Variants in MAF observed in about 807,000 individuals in gnomAD.
MAF encodes MAF bZIP transcription factor, also known as transcription factor Maf.
MAF carries 10 observed loss-of-function variants against 22.0 expected under a neutral mutation model. The ratio of observed to expected loss-of-function variants is 0.45; its 90% CI spans 0.28 to 0.77. The LOEUF (loss-of-function observed/expected upper bound fraction) is 0.77, where lower values mean the gene tolerates loss of function less well. Among genes scored for constraint, MAF ranks in the 30% least tolerant of loss-of-function variants. MAF has a pLI of 0.12. For missense variants in MAF, 544 were observed against 548.4 expected (o/e 0.99, Z 0.08); for synonymous variants, 337 against 255.8 (o/e 1.32, Z -3.03).
chr16:79,298,764 G>A, the MAF span, among the ~76,000 whole-genome samples: 5 of 152,356 alleles, frequency 3.3e-5, no homozygotes, highest in South Asian at 2.1e-4. Flanking sequence ...CAGAGCGGAC[G>A]TGACGGAAGC....
chr16:79,221,980 C>T, the MAF span, among the ~76,000 whole-genome samples: 2,824 of 152,070 alleles, frequency 0.019, 36 homozygotes, highest in Middle Eastern at 0.072. Flanking sequence ...AAACGTTTTT[C>T]TTAAAGCAGT....
the MAF span, among the ~76,000 whole-genome samples, chr16:79,308,164 C>A: frequency 6.6e-6 from 1 of 152,242 alleles, no homozygotes; most frequent in Admixed American, 6.5e-5. Flanking sequence ...GCTGTCTAGA[C>A]AATCAATACG....
chr16:79,357,316 G>T, the MAF span, among the ~76,000 whole-genome samples: 1 of 151,980 alleles, frequency 6.6e-6, no homozygotes, highest in African/African-American at 2.4e-5. Flanking sequence ...GGCCTGTGGT[G>T]GCGGGCGCCT....
the MAF span, among the ~76,000 whole-genome samples, chr16:79,543,577 C>T: frequency 3.9e-5 from 6 of 152,216 alleles, no homozygotes; most frequent in Non-Finnish European, 8.8e-5. Flanking sequence ...TGTCTCAATG[C>T]CCCACGTTCT....
chr16:79,308,292 T>A, the MAF span, among the ~76,000 whole-genome samples: 1 of 152,170 alleles, frequency 6.6e-6, no homozygotes, highest in East Asian at 1.9e-4. Context: ...CCTGGTTAAG[T>A]GAGGAACCAG....
chr16:79,323,422 T>C, the MAF span, among the ~76,000 whole-genome samples: 2 of 152,124 alleles, frequency 1.3e-5, no homozygotes, highest in African/African-American at 2.4e-5. Context: ...CTCTGTGTTG[T>C]TTCCTATGTA....
At chr16:79,300,329 G>C in the MAF span, among the ~76,000 whole-genome samples, 5 of 152,194 alleles carry the variant, frequency 3.3e-5, no homozygotes, top group Admixed American at 6.5e-5. Context: ...GGCCGAGCCA[G>C]GTGGATCACC....
chr16:79,561,119 T>A, the MAF span, among the ~76,000 whole-genome samples: 2 of 152,198 alleles, frequency 1.3e-5, no homozygotes, highest in Non-Finnish European at 2.9e-5. Flanking sequence ...CCACATGTGA[T>A]GAAATCTTCT....
chr16:79,223,101 T>C, the MAF span, among the ~76,000 whole-genome samples: 11 of 151,736 alleles, frequency 7.2e-5, no homozygotes, highest in East Asian at 2.0e-4. Context: ...TATTGTAAAA[T>C]TGACCACATA....
the MAF span, among the ~76,000 whole-genome samples, chr16:79,498,207 C>T: frequency 6.6e-6 from 1 of 152,146 alleles, no homozygotes; most frequent in Non-Finnish European, 1.5e-5. Context: ...TAGATTATAA[C>T]AACTTAGATC....
chr16:79,526,713 C>G, the MAF span, among the ~76,000 whole-genome samples: 1 of 152,162 alleles, frequency 6.6e-6, no homozygotes, highest in African/African-American at 2.4e-5. Flanking sequence ...TAACCCTGAT[C>G]CGTAGCATTT....
At chr16:79,436,790 G>C in the MAF span, among the ~76,000 whole-genome samples, 7 of 152,170 alleles carry the variant, frequency 4.6e-5, no homozygotes, top group Admixed American at 3.3e-4. Context: ...ACATGAGCTG[G>C]GTCTCCACCT....
the MAF span, among the ~76,000 whole-genome samples, chr16:79,308,239 C>G: frequency 6.6e-6 from 1 of 152,204 alleles, no homozygotes; most frequent in Non-Finnish European, 1.5e-5. Context: ...CTGGAATGAT[C>G]AGATCTATTG....
chr16:79,270,625 C>A, the MAF span, among the ~76,000 whole-genome samples: 1 of 152,188 alleles, frequency 6.6e-6, no homozygotes, highest in Non-Finnish European at 1.5e-5. Context: ...AATCTAGATG[C>A]AGTGACTTTC....
the MAF span, among the ~76,000 whole-genome samples, chr16:79,229,625 A>G: frequency 6.6e-6 from 1 of 152,046 alleles, no homozygotes. Flanking sequence ...GGGCGTGAGG[A>G]CAAGGCGAAC....
At chr16:79,304,341 G>A in the MAF span, among the ~76,000 whole-genome samples, 3 of 152,130 alleles carry the variant, frequency 2.0e-5, no homozygotes, top group Non-Finnish European at 4.4e-5. Flanking sequence ...CAGTTATACC[G>A]CTTGGACACT....
the MAF span, among the ~76,000 whole-genome samples, chr16:79,446,233 A>G: frequency 7.8e-4 from 119 of 152,296 alleles, no homozygotes; most frequent in African/African-American, 2.6e-3. Flanking sequence ...GGTATGGTTC[A>G]TAGAGCACTA....
In MAF at chr16:79,598,964, T is replaced by C. The variant is rs1231719173; in HGVS notation, c.939A>G (p.Arg313=). The C allele has an allele frequency of 6.2e-7, 1 of 1,613,626 alleles. No homozygotes were observed. The highest frequency in any genetic ancestry group is 8.5e-7 in the Non-Finnish European group (1 of 1,179,904). The part of the protein sequence containing the change: ...QSCRFKRVQQ[R]HVLESEKNQL... The stretch of plus-strand genomic sequence containing the variant: ...GGTTCTTCTCCGACTCCAGGACGTG[T>C]CTCTGCTGCACCCTCTTGAAGCGGC... Residue 313 remains arginine (R), a synonymous_variant, in exon 1 of 2, where the codon AGA becomes AGG. Transcript: ENST00000326043.
At chr16:79,291,199 G>C in the MAF span, among the ~76,000 whole-genome samples, 1 of 152,146 alleles carries the variant, frequency 6.6e-6, no homozygotes, top group Non-Finnish European at 1.5e-5. Flanking sequence ...CTCTCCTACA[G>C]AGCATAGGAG....
Sources: allele counts gnomAD v4.1 joint callset (sites outside exome capture counted in the v4.1 genomes callset), GRCh38; gene constraint gnomAD v4.1.1; transcripts MANE v1.5; gene names NCBI Gene and HGNC (gene_info 2026-07-23, HGNC 2026-07-21).